ADD2: variants seen among roughly 807,000 people sequenced by gnomAD.
The protein encoded by ADD2 is beta-adducin.
ADD2 carries 23 observed loss-of-function variants against 83.0 expected under a neutral mutation model. The observed-to-expected ratio is 0.28, with a 90% confidence interval of 0.20 to 0.39. The LOEUF is 0.39. Among genes scored for constraint, ADD2 ranks in the 10% least tolerant of loss-of-function variants. The pLI is 1.00. For missense variants in ADD2, 758 were observed against 944.9 expected, an observed-to-expected ratio of 0.80 and a Z score of 2.59; for synonymous variants, 375 against 375.4, an observed-to-expected ratio of 1.00 and a Z score of 0.01.
intron 1 of ADD2, among the ~76,000 whole-genome samples, chr2:70,722,060 G>A (rs7573528): frequency 0.3 from 45,240 of 152,066 alleles, 7,175 homozygotes; most frequent in African/African-American, 0.41. Flanking sequence ...AGATCCTGGA[G>A]ACCCAGGCCA....
rs78120074 is a variant in ADD2 at position 70,743,458 on chromosome 2, T to C, written c.-154+24428A>G. 3.1e-3 allele frequency among the ~76,000 whole-genome samples: 469 copies of C among 152,354 alleles called. 1 individual carries two copies. Among genetic ancestry groups the C allele is most frequent in the African/African-American group, 0.01 (417 of 41,570 alleles). On this transcript the variant is annotated intron_variant, in intron 1 of 15. Transcript: ENST00000264436. Reference sequence around the variant, plus strand: ...GGCAGCGTCTTATGGCTGTCTCCTCTCTCCAGGCTGCTTTGTATGTTACCA... The same window carrying C: ...GGCAGCGTCTTATGGCTGTCTCCTCCCTCCAGGCTGCTTTGTATGTTACCA...
At chr2:70,664,758 A>G (rs112632887) in intron 15 of ADD2, among the ~76,000 whole-genome samples, 2,965 of 146,792 alleles carry the variant, frequency 0.02, 62 homozygotes, top group Admixed American at 0.059. Flanking sequence ...TGGGTGTGTG[A>G]GGGTGTGCAA....
chr2:70,693,274 C>A lies in ADD2; in HGVS notation c.556-722G>T, dbSNP rs551126350. ...CCCAGTACGCTCTCACTGAACACCT[C>A]CCCGATTTCCCGGAGTGCAATCTCC... On this transcript the variant is annotated intron_variant, in intron 6 of 15. Transcript: ENST00000264436. Among the ~76,000 whole-genome samples, 3 of 152,326 alleles carry A rather than the reference C, an allele frequency of 2.0e-5. No homozygotes were observed. The East Asian group carries it at 5.8e-4, about 29-fold the overall frequency.
rs868983853 is a variant in ADD2, at chr2:70,657,492, C to T, written c.*5933G>A. Reference sequence around the variant, plus strand: ...GCAGGAATTTAAAGGTGGGGCAGTCCTTGGGTATCAATCAATCACCCACAA... The same window carrying T: ...GCAGGAATTTAAAGGTGGGGCAGTCTTTGGGTATCAATCAATCACCCACAA... On this transcript the variant is annotated 3_prime_UTR_variant, in exon 16 of 16. Transcript: ENST00000264436. 10 of 152,124 alleles carry T rather than the reference C, an allele frequency of 6.6e-5. No individual in the cohort carries two copies. Among genetic ancestry groups the T allele is most frequent in the African/African-American group, 2.4e-4 (10 of 41,418 alleles). 9.4% of individuals were successfully genotyped at this position (152,124 alleles called of 1,614,324 possible).
intron 10 of ADD2, among the ~76,000 whole-genome samples, chr2:70,683,087 A>G (rs191434056): frequency 6.6e-6 from 1 of 150,998 alleles, no homozygotes; most frequent in Non-Finnish European, 1.5e-5. Context: ...CAGTGGCACA[A>G]TGTCGGCTCA....
chr2:70,691,469 AAAGC>A (rs1671031364), intron 7 of ADD2: 1 of 152,314 alleles, frequency 6.6e-6, no homozygotes, highest in Admixed American at 6.5e-5. Context: ...TCCCACTTCA[AAAGC>A]AATCTCTTGC....
intron 4 of ADD2, among the ~76,000 whole-genome samples, chr2:70,698,139 G>A (rs1353879053): frequency 2.0e-5 from 3 of 152,240 alleles, no homozygotes; most frequent in Non-Finnish European, 2.9e-5. Flanking sequence ...CCCAGGCAAA[G>A]GTGGGCAGGT....
intron 1 of ADD2, among the ~76,000 whole-genome samples, chr2:70,751,078 C>A (rs782741131): frequency 1.3e-5 from 2 of 152,136 alleles, no homozygotes; most frequent in Non-Finnish European, 2.9e-5. Context: ...TTTTCAGGAG[C>A]CTTGAATTTG....
chr2:70,720,576 A>C (rs782608625), intron 1 of ADD2, among the ~76,000 whole-genome samples: 5 of 152,024 alleles, frequency 3.3e-5, no homozygotes, highest in African/African-American at 1.2e-4. Flanking sequence ...TTTTCTTCTC[A>C]TTAGTTCTAT....
At chr2:70,755,228 T>C (rs187260708) in intron 1 of ADD2, among the ~76,000 whole-genome samples, 155 of 152,224 alleles carry the variant, frequency 1.0e-3, no homozygotes, top group Admixed American at 1.8e-3. Context: ...TCATCTCAAA[T>C]CTCCCTGACT....
intron 4 of ADD2, among the ~76,000 whole-genome samples, chr2:70,700,450 A>G (rs4852702): frequency 0.3 from 46,172 of 151,990 alleles, 7,384 homozygotes; most frequent in East Asian, 0.43. Flanking sequence ...AAGGCCAAAC[A>G]TATACTCATA....
chr2:70,717,328 T>A (rs7568917), intron 1 of ADD2, among the ~76,000 whole-genome samples: 35,159 of 152,024 alleles, frequency 0.23, 4,740 homozygotes, highest in African/African-American at 0.38. Flanking sequence ...CTTGTGGCTA[T>A]AAGAGAAACA....
At chr2:70,716,501 C>T (rs1308689258) in intron 1 of ADD2, among the ~76,000 whole-genome samples, 3 of 152,194 alleles carry the variant, frequency 2.0e-5, no homozygotes, top group Non-Finnish European at 4.4e-5. Context: ...CTTTTACTTG[C>T]CTCTTCCATT....
intron 1 of ADD2, among the ~76,000 whole-genome samples, chr2:70,720,192 C>G (rs192309971): frequency 6.6e-6 from 1 of 152,228 alleles, no homozygotes; most frequent in Admixed American, 6.5e-5. Context: ...CTATCCCTCC[C>G]CTCTCCAGAC....
At chr2:70,716,042 G>C (rs1249843735) in intron 1 of ADD2, among the ~76,000 whole-genome samples, 1 of 151,804 alleles carries the variant, frequency 6.6e-6, no homozygotes, top group Non-Finnish European at 1.5e-5. Flanking sequence ...TCTTTTTAAA[G>C]CCCTGCTTTT....
At chr2:70,752,573 T>C (rs77727195) in intron 1 of ADD2, among the ~76,000 whole-genome samples, 1,542 of 152,268 alleles carry the variant, frequency 0.01, 17 homozygotes, top group African/African-American at 0.035. Flanking sequence ...AATTTGCTGA[T>C]AGACTGGATG....
rs1046712864 is a variant in ADD2, at chr2:70,661,866, C to T, written c.*1559G>A. On this transcript the variant is annotated 3_prime_UTR_variant, in exon 16 of 16. Coordinates refer to ENST00000264436, the MANE Select transcript of ADD2 (RefSeq NM_001617.4). ...GACTCAGACTGACCTGGATTCAAATCCAGGATCCAGATCTTTCTAGCCAAG... is the reference window on the plus strand; with the variant it reads ...GACTCAGACTGACCTGGATTCAAATTCAGGATCCAGATCTTTCTAGCCAAG... 3.3e-5 allele frequency: 5 copies of T among 152,186 alleles called. No individual in the cohort carries two copies. The highest frequency in any genetic ancestry group is 1.2e-4 in the African/African-American group (5 of 41,432). The allele number at this position is 152,186 out of a possible 1,614,324, so 9.4% of individuals were successfully genotyped here.
At chr2:70,691,741 C>A (rs1553371690) in intron 7 of ADD2, 1 of 152,160 alleles carries the variant, frequency 6.6e-6, no homozygotes, top group African/African-American at 2.4e-5. Context: ...TCTGGAAAGT[C>A]TGAATGCTCA....
In ADD2 at chr2:70,675,061, C is replaced by A. The variant is rs1553367942; in HGVS notation, c.1594-236G>T. On this transcript the variant is annotated intron_variant, in intron 13 of 15. Coordinates refer to ENST00000264436, the MANE Select transcript of ADD2 (RefSeq NM_001617.4). ...GAATATAGGGGGTCCACAGTCTGCCCCTGAAATAAAATCAAAGGATGCTCC... is the reference window on the plus strand; with the variant it reads ...GAATATAGGGGGTCCACAGTCTGCCACTGAAATAAAATCAAAGGATGCTCC... 3.2e-6 allele frequency: 4 copies of A among 1,264,366 alleles called. No individual in the cohort carries two copies. The East Asian group carries it at 9.7e-5, about 31-fold the overall frequency. The allele number at this position is 1,264,366 out of a possible 1,614,324, so 78.3% of individuals were successfully genotyped here. A position where few individuals can be genotyped will look rare whatever the true frequency, so the allele number is the denominator to read the frequency against.
Sources: gnomAD v4.1 joint callset for allele counts (sites outside exome capture counted in the v4.1 genomes callset) on GRCh38, gnomAD v4.1.1 for gene constraint, MANE v1.5 for transcripts, NCBI Gene and HGNC (gene_info 2026-07-23, HGNC 2026-07-21) for gene names.